NFIL3: variants seen among roughly 807,000 people sequenced by gnomAD.
The protein encoded by NFIL3 is nuclear factor interleukin-3-regulated protein.
In NFIL3, 5 loss-of-function variants were observed where a neutral mutation model predicts 10.0. The observed-to-expected ratio is 0.50, with a 90% CI of 0.26 to 1.06. NFIL3 has a LOEUF of 1.06. Among genes scored for constraint, NFIL3 ranks in the 50% least tolerant of loss-of-function variants. The pLI, the probability that NFIL3 is intolerant of heterozygous loss-of-function variation, is 0.13. For synonymous variants in NFIL3, 202 were observed against 206.5 expected, an observed-to-expected ratio of 0.98 and a Z score of 0.19; for missense variants, 436 against 547.6, an observed-to-expected ratio of 0.80 and a Z score of 2.03.
the NFIL3 span, among the ~76,000 whole-genome samples, chr9:91,438,655 G>A: frequency 1.3e-5 from 2 of 152,082 alleles, no homozygotes; most frequent in Non-Finnish European, 2.9e-5. Flanking sequence ...TTAAATTTAG[G>A]TATCTTATCC....
chr9:91,481,072 C>T, the NFIL3 span, among the ~76,000 whole-genome samples: 17 of 152,268 alleles, frequency 1.1e-4, no homozygotes, highest in African/African-American at 4.1e-4. Context: ...TCAGAAATAA[C>T]GTGTTTTTAA....
chr9:91,433,034 C>T, the NFIL3 span, among the ~76,000 whole-genome samples: 1 of 152,084 alleles, frequency 6.6e-6, no homozygotes, highest in East Asian at 1.9e-4. Context: ...TATTATTTGA[C>T]ATCATTTTGA....
At chr9:91,477,663 C>G in the NFIL3 span, among the ~76,000 whole-genome samples, 273 of 152,080 alleles carry the variant, frequency 1.8e-3, no homozygotes, top group African/African-American at 6.3e-3. Context: ...ATTTCAAGCA[C>G]GTAAAGAAAC....
At chr9:91,418,709 T>C (rs983729845) in intron 1 of NFIL3, among the ~76,000 whole-genome samples, 2 of 147,658 alleles carry the variant, frequency 1.4e-5, no homozygotes, top group African/African-American at 4.9e-5. Flanking sequence ...AAAAGGCTTA[T>C]AAACATCATT....
Position 91,409,502 on chromosome 9 carries a change from G to A in NFIL3, c.1233C>T (p.Phe411=). The A allele has an allele frequency of 6.2e-7, 1 of 1,614,074 alleles. No individual in the cohort carries two copies. The highest frequency in any genetic ancestry group is 8.5e-7 in the Non-Finnish European group (1 of 1,179,988). The part of the protein sequence containing the change: ...KELSGKTQNS[F]KTGVVEMKDS... ...CTTTCATTTCAACAACTCCAGTTTT[G>A]AAACTATTCTGAGTTTTGCCACTCA... The change falls in exon 2 of 2, where the codon TTC becomes TTT. Residue 411 remains phenylalanine, a synonymous_variant. Coordinates refer to ENST00000297689, the MANE Select transcript of NFIL3 (RefSeq NM_005384.3).
At chr9:91,419,400 A>G (rs1458524957) in intron 1 of NFIL3, among the ~76,000 whole-genome samples, 1 of 152,220 alleles carries the variant, frequency 6.6e-6, no homozygotes, top group Non-Finnish European at 1.5e-5. Context: ...TCAGCTGGTG[A>G]GTCAGGCACA....
chr9:91,409,277 T>A lies in NFIL3; in HGVS notation c.*69A>T. The A allele has an allele frequency of 7.0e-7, 1 of 1,426,092 alleles. No homozygotes were observed. The highest frequency in any genetic ancestry group is 2.4e-5 in the Admixed American group (1 of 41,880). The allele number at this position is 1,426,092 out of a possible 1,614,324, so 88.3% of individuals were successfully genotyped here. On this transcript the variant is annotated 3_prime_UTR_variant, in exon 2 of 2. Coordinates refer to ENST00000297689, the MANE Select transcript of NFIL3 (RefSeq NM_005384.3). ...TCACAGGTCCAGTGAAAATTCAGCA[T>A]AATACAAAATGGACTGCTCTATTGC...
the NFIL3 span, among the ~76,000 whole-genome samples, chr9:91,453,958 G>A: frequency 3.2e-4 from 48 of 152,026 alleles, 1 homozygote; most frequent in Admixed American, 3.1e-3. Flanking sequence ...CTAAGGTCAG[G>A]CACAGTGGCT....
chr9:91,425,569 C>A (rs1175384423), upstream of NFIL3, among the ~76,000 whole-genome samples: 1 of 152,196 alleles, frequency 6.6e-6, no homozygotes, highest in Non-Finnish European at 1.5e-5. Flanking sequence ...ACATCCCCTC[C>A]ACTACACATT....
upstream of NFIL3, among the ~76,000 whole-genome samples, chr9:91,427,583 A>G (rs1833884738): frequency 6.6e-6 from 1 of 152,060 alleles, no homozygotes; most frequent in Admixed American, 6.5e-5. Context: ...CTCCAGGAAC[A>G]GAAGTTCAGT....
chr9:91,461,224 C>A, the NFIL3 span, among the ~76,000 whole-genome samples: 2 of 152,180 alleles, frequency 1.3e-5, no homozygotes, highest in Non-Finnish European at 2.9e-5. Flanking sequence ...TCACATTTTC[C>A]AATTTATACA....
At chr9:91,431,088 T>C in the NFIL3 span, among the ~76,000 whole-genome samples, 1 of 152,140 alleles carries the variant, frequency 6.6e-6, no homozygotes, top group Non-Finnish European at 1.5e-5. Context: ...TTTTGCAAAG[T>C]CGGCATGGGA....
chr9:91,455,728 T>C, the NFIL3 span, among the ~76,000 whole-genome samples: 11 of 152,200 alleles, frequency 7.2e-5, no homozygotes, highest in African/African-American at 2.4e-4. Flanking sequence ...GACATACTTA[T>C]AGACCTGTGA....
At chr9:91,421,033 G>T (rs1268745394) in intron 1 of NFIL3, among the ~76,000 whole-genome samples, 1 of 152,120 alleles carries the variant, frequency 6.6e-6, no homozygotes, top group Non-Finnish European at 1.5e-5. Flanking sequence ...TTTTTCTTAA[G>T]GTCTTTTTCA....
At chr9:91,434,165 A>T in the NFIL3 span, among the ~76,000 whole-genome samples, 1 of 152,316 alleles carries the variant, frequency 6.6e-6, no homozygotes, top group African/African-American at 2.4e-5. Context: ...GTATAATAGA[A>T]GCACTTTGGG....
At chr9:91,435,879 A>G in the NFIL3 span, among the ~76,000 whole-genome samples, 2 of 152,190 alleles carry the variant, frequency 1.3e-5, no homozygotes, top group African/African-American at 4.8e-5. Flanking sequence ...TGTACATCCC[A>G]TAGTTCACTC....
chr9:91,475,258 T>C, the NFIL3 span, among the ~76,000 whole-genome samples: 6 of 152,216 alleles, frequency 3.9e-5, no homozygotes, highest in East Asian at 1.9e-4. Flanking sequence ...AGTACAGACC[T>C]TGACCCTGAC....
At chr9:91,445,590 G>T in the NFIL3 span, among the ~76,000 whole-genome samples, 1 of 152,124 alleles carries the variant, frequency 6.6e-6, no homozygotes, top group Non-Finnish European at 1.5e-5. Flanking sequence ...CCAGAGTATG[G>T]CTACACACAT....
the NFIL3 span, among the ~76,000 whole-genome samples, chr9:91,438,611 C>T: frequency 2.0e-5 from 3 of 152,034 alleles, no homozygotes; most frequent in Admixed American, 2.0e-4. Flanking sequence ...CTTTTCCCCT[C>T]TAGTGTCTTC....
Sources: allele counts gnomAD v4.1 joint callset (sites outside exome capture counted in the v4.1 genomes callset), GRCh38; gene constraint gnomAD v4.1.1; transcripts MANE v1.5; gene names NCBI Gene and HGNC (gene_info 2026-07-23, HGNC 2026-07-21).